Variants in HPSE2 observed in about 807,000 individuals in gnomAD.
The protein encoded by HPSE2 is inactive heparanase-2.
HPSE2 carries 38 observed loss-of-function variants against 60.5 expected under a neutral mutation model. The ratio of observed to expected loss-of-function variants is 0.63; its 90% confidence interval spans 0.48 to 0.82. The LOEUF (loss-of-function observed/expected upper bound fraction) is 0.82. Ranked by LOEUF, HPSE2 falls within the 40% of genes least tolerant of loss-of-function variation. The pLI, the probability that HPSE2 is intolerant of heterozygous loss-of-function variation, is 0.00. For synonymous variants in HPSE2, 295 were observed against 293.2 expected (o/e 1.01, Z -0.06); for missense variants, 713 against 740.4 (o/e 0.96, Z 0.43).
intron 8 of HPSE2, among the ~76,000 whole-genome samples, chr10:98,618,068 A>G (rs764626705): frequency 6.6e-6 from 1 of 152,122 alleles, no homozygotes; most frequent in Non-Finnish European, 1.5e-5. Flanking sequence ...ACAGGAAGCA[A>G]TTTATGCCCC....
At chr10:98,465,635 T>C (rs962577922) in intron 11 of HPSE2, among the ~76,000 whole-genome samples, 2 of 152,248 alleles carry the variant, frequency 1.3e-5, no homozygotes, top group African/African-American at 2.4e-5. Flanking sequence ...CTCTTTCTAC[T>C]ATTTCATGTT....
intron 3 of HPSE2, among the ~76,000 whole-genome samples, chr10:98,817,219 CTTATTA>C (rs1391910561): frequency 3.3e-5 from 5 of 152,048 alleles, no homozygotes; most frequent in Non-Finnish European, 7.4e-5. Flanking sequence ...TATTATTATT[CTTATTA>C]TAAGTTTCGG....
At chr10:99,102,224 T>C (rs11189968) in intron 3 of HPSE2, among the ~76,000 whole-genome samples, 74,477 of 151,688 alleles carry the variant, frequency 0.49, 20,714 homozygotes, top group East Asian at 0.65. Flanking sequence ...ACAAAATTGA[T>C]AGACCACTAG....
chr10:98,757,418 T>A (rs1002716660), intron 3 of HPSE2, among the ~76,000 whole-genome samples: 3 of 152,096 alleles, frequency 2.0e-5, no homozygotes, highest in Non-Finnish European at 4.4e-5. Context: ...AATATGATTC[T>A]ACACCTAGAA....
At chr10:99,150,092 C>CA (rs1459528763) in intron 2 of HPSE2, among the ~76,000 whole-genome samples, 1 of 152,108 alleles carries the variant, frequency 6.6e-6, no homozygotes, top group Admixed American at 6.6e-5. Flanking sequence ...CCAAAATACC[C>CA]AATATATACC....
intron 11 of HPSE2, among the ~76,000 whole-genome samples, chr10:98,477,595 G>A (rs1425139867): frequency 6.6e-6 from 1 of 152,212 alleles, no homozygotes; most frequent in African/African-American, 2.4e-5. Flanking sequence ...ACTGGGATCT[G>A]ATCTAACACC....
At chr10:98,871,294 T>A (rs1183291684) in intron 3 of HPSE2, among the ~76,000 whole-genome samples, 2 of 152,128 alleles carry the variant, frequency 1.3e-5, no homozygotes, top group South Asian at 2.1e-4. Context: ...CTTGACTACA[T>A]CCATCATAAT....
chr10:98,632,762 T>G (rs187926030), intron 7 of HPSE2, among the ~76,000 whole-genome samples: 130 of 152,330 alleles, frequency 8.5e-4, no homozygotes, highest in African/African-American at 3.0e-3. Context: ...TTACATAATT[T>G]GCAGATTTCC....
intron 2 of HPSE2, among the ~76,000 whole-genome samples, chr10:99,218,928 A>T (rs1406551248): frequency 6.6e-6 from 1 of 152,250 alleles, no homozygotes; most frequent in South Asian, 2.1e-4. Context: ...AACAATTACA[A>T]GGAAATAAAC....
chr10:98,518,359 A>G (rs1455021492), intron 9 of HPSE2, among the ~76,000 whole-genome samples: 1 of 152,158 alleles, frequency 6.6e-6, no homozygotes. Context: ...TTTCTAGATG[A>G]GACCATCACC....
chr10:98,659,103 C>T (rs906914005), intron 6 of HPSE2, among the ~76,000 whole-genome samples: 1 of 152,064 alleles, frequency 6.6e-6, no homozygotes, highest in Non-Finnish European at 1.5e-5. Flanking sequence ...TTCCCACCTC[C>T]CTATAGAACC....
At chr10:98,679,090 A>C (rs947815407) in intron 6 of HPSE2, among the ~76,000 whole-genome samples, 1 of 152,202 alleles carries the variant, frequency 6.6e-6, no homozygotes, top group Non-Finnish European at 1.5e-5. Context: ...ACCTGTGGTG[A>C]GGGAAGTCTA....
intron 3 of HPSE2, among the ~76,000 whole-genome samples, chr10:98,807,841 T>G (rs528250137): frequency 6.6e-6 from 1 of 152,324 alleles, no homozygotes; most frequent in Admixed American, 6.5e-5. Context: ...AGTGAGAAGT[T>G]CCTGAAGTCA....
At chr10:98,662,286 G>C (rs1399889926) in intron 6 of HPSE2, among the ~76,000 whole-genome samples, 1 of 152,166 alleles carries the variant, frequency 6.6e-6, no homozygotes, top group Non-Finnish European at 1.5e-5. Context: ...CCCGGAAACT[G>C]ACAGTACACA....
chr10:98,727,443 G>A (rs1465246748), intron 4 of HPSE2, among the ~76,000 whole-genome samples: 1 of 152,154 alleles, frequency 6.6e-6, no homozygotes, highest in Non-Finnish European at 1.5e-5. Context: ...TTGAGGTCAG[G>A]ATTTTAAGAC....
chr10:98,610,206 T>C (rs2133965007), intron 9 of HPSE2, among the ~76,000 whole-genome samples: 1 of 152,276 alleles, frequency 6.6e-6, no homozygotes, highest in South Asian at 2.1e-4. Context: ...GTGTCCTTGC[T>C]CTACACAGGG....
At chr10:99,034,925 G>A (rs1191976508) in intron 3 of HPSE2, among the ~76,000 whole-genome samples, 1 of 152,108 alleles carries the variant, frequency 6.6e-6, no homozygotes, top group Non-Finnish European at 1.5e-5. Flanking sequence ...TTAAAATGGT[G>A]TACCTTTATA....
At chr10:98,917,099 G>A (rs1954140661) in intron 3 of HPSE2, among the ~76,000 whole-genome samples, 1 of 151,890 alleles carries the variant, frequency 6.6e-6, no homozygotes, top group Admixed American at 6.6e-5. Flanking sequence ...TTTTGTTGGG[G>A]GTGTATGAAA....
chr10:99,185,705 C>T (rs910518870), intron 2 of HPSE2, among the ~76,000 whole-genome samples: 1 of 151,288 alleles, frequency 6.6e-6, no homozygotes, highest in South Asian at 2.1e-4. Flanking sequence ...ACCCGGGAGG[C>T]GGAGCTTGCA....
Sources: allele counts gnomAD v4.1 joint callset (sites outside exome capture counted in the v4.1 genomes callset), GRCh38; gene constraint gnomAD v4.1.1; transcripts MANE v1.5; gene names NCBI Gene and HGNC (gene_info 2026-07-23, HGNC 2026-07-21).